DCDC1: variants seen among roughly 807,000 people sequenced by gnomAD.
DCDC1 encodes doublecortin domain containing 1.
A neutral mutation model predicts 178.3 loss-of-function variants in DCDC1; 200 were observed. That is an observed-to-expected ratio of 1.12 (90% CI 1.00 to 1.26). The LOEUF is 1.26. Among genes scored for constraint, DCDC1 ranks in the 50% most tolerant of loss-of-function variants. The pLI is 0.00. For synonymous variants in DCDC1, 690 were observed against 604.8 expected (o/e 1.14, Z -2.07); for missense variants, 1,983 against 1,749.2 (o/e 1.13, Z -2.38).
chr11:30,975,180 T>A (rs1255227518), intron 20 of DCDC1, among the ~76,000 whole-genome samples: 1 of 152,138 alleles, frequency 6.6e-6, no homozygotes, highest in African/African-American at 2.4e-5. Flanking sequence ...CATTTCTTCA[T>A]GATAAAAACT....
Position 31,142,421 on chromosome 11 carries a change from T to G in DCDC1, c.1222-4637A>C, listed in dbSNP as rs1042617871. Among the ~76,000 whole-genome samples the G allele has an allele frequency of 2.0e-5, 3 of 152,142 alleles. No individual in the cohort carries two copies. The East Asian group carries it at 5.8e-4, about 29-fold the overall frequency. ...ATATCAAATAAATGCTATCTGTTCC[T>G]GCCATAAATAGTAAGGTTGATTCTT... On this transcript the variant is annotated intron_variant, in intron 9 of 38. Coordinates refer to ENST00000684477, the MANE Select transcript of DCDC1 (RefSeq NM_001387274.1).
chr11:31,089,737 A>G (rs1019559068), intron 17 of DCDC1, among the ~76,000 whole-genome samples: 6 of 151,214 alleles, frequency 4.0e-5, no homozygotes, highest in African/African-American at 1.5e-4. Context: ...TGTTTAGTAT[A>G]CTTTGTCTCA....
At chr11:31,309,331 C>T (rs1948636736) in intron 3 of DCDC1, among the ~76,000 whole-genome samples, 1 of 152,140 alleles carries the variant, frequency 6.6e-6, no homozygotes, top group South Asian at 2.1e-4. Flanking sequence ...TTGGATATAA[C>T]CAGGCTCAAA....
intron 23 of DCDC1, among the ~76,000 whole-genome samples, chr11:30,923,114 T>C (rs1272735209): frequency 1.3e-5 from 2 of 152,122 alleles, no homozygotes; most frequent in African/African-American, 2.4e-5. Flanking sequence ...GAACTATCCC[T>C]AAAACCCAAA....
Position 31,127,508 on chromosome 11 carries a change from A to T in DCDC1, c.1446T>A (p.Leu482=). The T allele has an allele frequency of 1.4e-6, 1 of 702,648 alleles. No homozygotes were observed. The highest frequency in any genetic ancestry group is 2.6e-6 in the Non-Finnish European group (1 of 384,750). 43.5% of individuals were successfully genotyped at this position (702,648 alleles called of 1,614,324 possible). A position where few individuals can be genotyped will look rare whatever the true frequency, so the allele number is the denominator to read the frequency against. ...SSYVYQHIKS[L]PANTLVPGGL... ...CTCCTGGGACAAGCGTGTTTGCTGG[A>T]AGGCTTTTAATGTGTTGGTAGACAT... The change falls in exon 11 of 39, where the codon CTT becomes CTA. Residue 482 remains leucine (L), a synonymous_variant. Transcript: ENST00000684477.
rs923492582 is a variant in DCDC1, at chr11:30,913,387, C to T, written c.3654-1967G>A. 2.0e-5 allele frequency among the ~76,000 whole-genome samples: 3 copies of T among 151,468 alleles called. No individual in the cohort carries two copies. The East Asian group carries it at 5.8e-4, about 30-fold the overall frequency. On this transcript the variant is annotated intron_variant, in intron 27 of 38. Transcript: ENST00000684477. ...TCATGCCACTGCACTCCAGCCTGGG[C>T]AACAGAGACTCTGTCTCAAAAAAAA...
At chr11:31,179,973 G>A (rs1968568128) in intron 9 of DCDC1, among the ~76,000 whole-genome samples, 2 of 152,216 alleles carry the variant, frequency 1.3e-5, no homozygotes, top group African/African-American at 2.4e-5. Flanking sequence ...GAATGCAAGG[G>A]TGATTCAACA....
chr11:30,883,654 AATGAAGCAAAATCTATGAAGTT>A, intron 36 of DCDC1: 1 of 207,654 alleles, frequency 4.8e-6, no homozygotes, highest in South Asian at 6.1e-5. Flanking sequence ...TACCAAAGAA[AATGAAGCAAAATCTATGAAGTT>A]ATGAAGTTTT....
chr11:30,999,493 C>T (rs2135011935), intron 20 of DCDC1, among the ~76,000 whole-genome samples: 1 of 152,182 alleles, frequency 6.6e-6, no homozygotes, highest in East Asian at 1.9e-4. Context: ...AATTATTATG[C>T]TTTTGTTTTC....
At chr11:31,345,875 A>G (rs1282522496) in intron 1 of DCDC1, among the ~76,000 whole-genome samples, 2 of 152,206 alleles carry the variant, frequency 1.3e-5, no homozygotes, top group Non-Finnish European at 2.9e-5. Flanking sequence ...CATAGACTCT[A>G]ATGAAATAAT....
chr11:31,265,391 G>A (rs949951491), intron 8 of DCDC1, 116 bp downstream of exon 8: 1 of 436,018 alleles, frequency 2.3e-6, no homozygotes, highest in African/African-American at 2.1e-5. Flanking sequence ...ATTTATCCAA[G>A]TTATAATTAA....
intron 20 of DCDC1, among the ~76,000 whole-genome samples, chr11:30,982,224 G>A (rs1275907647): frequency 6.6e-6 from 1 of 152,106 alleles, no homozygotes; most frequent in Non-Finnish European, 1.5e-5. Context: ...TTGAGAACAC[G>A]CTTCTCCACA....
intron 20 of DCDC1, among the ~76,000 whole-genome samples, chr11:30,959,270 T>A (rs1948948394): frequency 6.6e-6 from 1 of 152,072 alleles, no homozygotes. Flanking sequence ...GGCATCTTAT[T>A]CTCCTATAAG....
chr11:31,202,358 T>C (rs1409986102), intron 9 of DCDC1, among the ~76,000 whole-genome samples: 2 of 151,422 alleles, frequency 1.3e-5, no homozygotes, highest in Non-Finnish European at 2.9e-5. Flanking sequence ...AGTCCAGGAG[T>C]TTGAGATCAG....
chr11:30,901,081 G>T (rs554367750), intron 32 of DCDC1, among the ~76,000 whole-genome samples: 1 of 152,074 alleles, frequency 6.6e-6, no homozygotes, highest in South Asian at 2.1e-4. Context: ...TCCTAATGGC[G>T]AAAGCAAAGA....
chr11:31,245,570 G>A (rs916647659), intron 8 of DCDC1, among the ~76,000 whole-genome samples: 1 of 151,722 alleles, frequency 6.6e-6, no homozygotes. Flanking sequence ...GAAGACTAAG[G>A]AGGAAAATAA....
chr11:31,327,741 T>C (rs562324905), intron 3 of DCDC1, among the ~76,000 whole-genome samples: 1 of 152,156 alleles, frequency 6.6e-6, no homozygotes, highest in Non-Finnish European at 1.5e-5. Context: ...TCAAACATTT[T>C]TTTTTAGACA....
intron 11 of DCDC1, among the ~76,000 whole-genome samples, chr11:31,111,994 C>T (rs1029799165): frequency 1.3e-5 from 2 of 152,084 alleles, no homozygotes; most frequent in Non-Finnish European, 2.9e-5. Flanking sequence ...CCTTCTACAT[C>T]CAGAAAAGTG....
intron 9 of DCDC1, among the ~76,000 whole-genome samples, chr11:31,208,157 C>G (rs1972085762): frequency 6.6e-6 from 1 of 152,152 alleles, no homozygotes; most frequent in Non-Finnish European, 1.5e-5. Flanking sequence ...ATATATTAAA[C>G]TTGTATCTCT....
Sources: allele counts gnomAD v4.1 joint callset (sites outside exome capture counted in the v4.1 genomes callset), GRCh38; gene constraint gnomAD v4.1.1; transcripts MANE v1.5; gene names NCBI Gene and HGNC (gene_info 2026-07-23, HGNC 2026-07-21).